Variants in CCDC33 observed in about 807,000 individuals in gnomAD.
CCDC33 encodes the protein coiled-coil domain-containing protein 33.
Under a neutral mutation model 91.9 loss-of-function variants are expected in CCDC33, and 94 were observed. The ratio of observed to expected loss-of-function variants is 1.02; its 90% CI spans 0.87 to 1.21. The LOEUF (loss-of-function observed/expected upper bound fraction) is 1.21. CCDC33 is among the 50% of genes most tolerant of loss of function. CCDC33 has a pLI of 0.00. For synonymous variants in CCDC33, 396 were observed against 374.5 expected (o/e 1.06, Z -0.66); for missense variants, 940 against 935.5 (o/e 1.00, Z -0.06).
chr15:74,314,412 C>A (rs1241424843), intron 11 of CCDC33, among the ~76,000 whole-genome samples: 3 of 152,198 alleles, frequency 2.0e-5, no homozygotes, highest in Non-Finnish European at 4.4e-5. Context: ...TCACCCCTCC[C>A]CTAGAGATGG....
chr15:74,317,175 C>T (rs1169758999), intron 11 of CCDC33, among the ~76,000 whole-genome samples: 4 of 152,108 alleles, frequency 2.6e-5, no homozygotes, highest in East Asian at 3.9e-4. Flanking sequence ...CTGGCTAACA[C>T]GGTGAAACCC....
intron 10 of CCDC33, among the ~76,000 whole-genome samples, chr15:74,283,712 G>C (rs1350267345): frequency 6.6e-6 from 1 of 151,764 alleles, no homozygotes; most frequent in African/African-American, 2.4e-5. Context: ...TTTCTGAGAA[G>C]AAAGGAAAAG....
intron 1 of CCDC33, among the ~76,000 whole-genome samples, chr15:74,206,816 C>T (rs1178195788): frequency 2.0e-5 from 3 of 152,248 alleles, no homozygotes; most frequent in African/African-American, 4.8e-5. Flanking sequence ...GCATAAGGGT[C>T]AGGGCAGGGC....
intron 10 of CCDC33, among the ~76,000 whole-genome samples, chr15:74,282,097 T>C (rs936955778): frequency 2.0e-5 from 3 of 152,206 alleles, no homozygotes; most frequent in African/African-American, 7.2e-5. Context: ...CCAAGCCAAG[T>C]CTGGCTCACT....
upstream of CCDC33, among the ~76,000 whole-genome samples, chr15:74,232,755 A>G (rs2142205856): frequency 6.6e-6 from 1 of 152,330 alleles, no homozygotes; most frequent in South Asian, 2.1e-4. Context: ...GAATGAGACC[A>G]TGAAGGTAAA....
In CCDC33 at chr15:74,268,351, T is replaced by A; in HGVS notation, c.439T>A (p.Ser147Thr). Residue 147 changes from serine (S) to threonine (T), a missense_variant, in exon 5 of 19, where the codon TCT becomes ACT. By Grantham distance (58) the Ser-to-Thr change is moderately conservative. Coordinates refer to ENST00000398814, the MANE Select transcript of CCDC33 (RefSeq NM_025055.5). Reference sequence around the variant, plus strand: ...CCAACCCTGTCTCCAGCCCACTGAGTCTGGGAAAGCCGATGAAGCCACTGC... The same window carrying A: ...CCAACCCTGTCTCCAGCCCACTGAGACTGGGAAAGCCGATGAAGCCACTGC... ...YHFELVKPTE[S>T]GKADEATAKT... is the part of the protein sequence containing the mutation. The A allele has an allele frequency of 6.2e-7, 1 of 1,613,234 alleles. No individual in the cohort carries two copies. The highest frequency in any genetic ancestry group is 8.5e-7 in the Non-Finnish European group (1 of 1,179,272).
chr15:74,292,050 A>T (rs2142570750), intron 10 of CCDC33, among the ~76,000 whole-genome samples: 1 of 152,324 alleles, frequency 6.6e-6, no homozygotes, highest in South Asian at 2.1e-4. Flanking sequence ...ATGAACCAGG[A>T]TGTGCTGCAG....
chr15:74,328,237 G>T (rs548540818), intron 11 of CCDC33, among the ~76,000 whole-genome samples: 5 of 152,294 alleles, frequency 3.3e-5, no homozygotes, highest in Middle Eastern at 3.4e-3. Flanking sequence ...TGGGAGCTCT[G>T]GGGGCAGCAA....
At chr15:74,245,176 A>C (rs1361911662) in intron 2 of CCDC33, among the ~76,000 whole-genome samples, 3 of 152,074 alleles carry the variant, frequency 2.0e-5, no homozygotes, top group Admixed American at 6.5e-5. Context: ...CTGAGGACGG[A>C]TCTCCTCCTC....
chr15:74,324,324 C>T (rs985876613), intron 11 of CCDC33, among the ~76,000 whole-genome samples: 7 of 152,070 alleles, frequency 4.6e-5, no homozygotes, highest in Non-Finnish European at 1.0e-4. Context: ...AAGTATCCCG[C>T]TGTATGGGTC....
At chr15:74,308,395 C>T (rs1038317385) in intron 11 of CCDC33, among the ~76,000 whole-genome samples, 2 of 53,882 alleles carry the variant, frequency 3.7e-5, no homozygotes, top group Non-Finnish European at 9.0e-5. Context: ...ACATTTGGTG[C>T]TAAATATCCA....
At chr15:74,278,350 C>T (rs2076503237) in intron 7 of CCDC33, among the ~76,000 whole-genome samples, 1 of 152,250 alleles carries the variant, frequency 6.6e-6, no homozygotes, top group African/African-American at 2.4e-5. Flanking sequence ...TTTGTGCTGA[C>T]CTTTTCGAGC....
At position 74,268,456 on chromosome 15, in the gene CCDC33, G is replaced by A; in HGVS notation, c.544G>A (p.Glu182Lys). Reference protein sequence around the residue: ...RYIGCNHMALEIFLRGVNEPL... With the variant: ...RYIGCNHMALKIFLRGVNEPL... Reference sequence around the variant, plus strand: ...CATCGGCTGCAACCACATGGCTCTGGAGGTACCAGGGCTGGGGCCCTCTGG... The same window carrying A: ...CATCGGCTGCAACCACATGGCTCTGAAGGTACCAGGGCTGGGGCCCTCTGG... The change falls in exon 5 of 19, where the codon GAG becomes AAG. Residue 182 changes from glutamate to lysine, a missense_variant and splice_region_variant. Glu to Lys is a moderately conservative substitution (Grantham distance 56). Coordinates refer to ENST00000398814, the MANE Select transcript of CCDC33 (RefSeq NM_025055.5). The A allele has an allele frequency of 6.3e-7, 1 of 1,576,186 alleles. No homozygotes were observed. The highest frequency in any genetic ancestry group is 8.7e-7 in the Non-Finnish European group (1 of 1,156,016).
intron 2 of CCDC33, among the ~76,000 whole-genome samples, chr15:74,221,742 T>G (rs978576642): frequency 1.3e-5 from 2 of 152,066 alleles, no homozygotes; most frequent in Non-Finnish European, 2.9e-5. Context: ...GCAGAGGGAA[T>G]TTACCCACCT....
chr15:74,293,083 G>C (rs987845444), intron 10 of CCDC33, among the ~76,000 whole-genome samples: 4 of 152,344 alleles, frequency 2.6e-5, no homozygotes, highest in African/African-American at 9.6e-5. Flanking sequence ...CCCATCTGGT[G>C]CTGGGGCCAC....
rs151006322 is a variant in CCDC33 at position 74,257,380 on chromosome 15, G to C, written c.186-5060G>C. Reference sequence around the variant, plus strand: ...CTGTTGTCTGGTGAAGCGGGGGCGAGAAGAGAAGGGAGCTTCAGCACTGAC... The same window carrying C: ...CTGTTGTCTGGTGAAGCGGGGGCGACAAGAGAAGGGAGCTTCAGCACTGAC... On this transcript the variant is annotated intron_variant, in intron 2 of 18. Coordinates refer to ENST00000398814, the MANE Select transcript of CCDC33 (RefSeq NM_025055.5). Among the ~76,000 whole-genome samples the C allele has an allele frequency of 4.7e-3, 709 of 152,278 alleles. 5 individuals carry two copies. The highest frequency in any genetic ancestry group is 0.017 in the African/African-American group (693 of 41,566).
chr15:74,332,648 A>AT (rs768325748), intron 15 of CCDC33, 31 bp from the exon 16 acceptor site: 194 of 1,608,726 alleles, frequency 1.2e-4, no homozygotes, highest in Non-Finnish European at 1.6e-4. Context: ...AGGAGAGCCC[A>AT]TCTCACCAAC....
At position 74,336,065 on chromosome 15, in the gene CCDC33, G is replaced by T; in HGVS notation, c.*12G>T. 6.2e-7 allele frequency: 1 copy of T among 1,613,376 alleles called. No individual in the cohort carries two copies. The highest frequency in any genetic ancestry group is 2.2e-5 in the East Asian group (1 of 44,880). The stretch of plus-strand genomic sequence containing the variant: ...CTCAGCAGACCTGAGCCCCAGAGCA[G>T]GCCTCCTTCCCTGTGTGCTGGGGAG... On this transcript the variant is annotated 3_prime_UTR_variant, in exon 19 of 19. Transcript: ENST00000398814.
chr15:74,325,551 G>A lies in CCDC33; in HGVS notation c.1291-4638G>A, dbSNP rs567499092. On this transcript the variant is annotated intron_variant, in intron 11 of 18. Coordinates refer to ENST00000398814, the MANE Select transcript of CCDC33 (RefSeq NM_025055.5). Reference sequence around the variant, plus strand: ...GTAGATGGGAGACCATCACAAGCAGGGACGGTCTGGGCTGGTCTGGGCTCC... The same window carrying A: ...GTAGATGGGAGACCATCACAAGCAGAGACGGTCTGGGCTGGTCTGGGCTCC... 3.3e-5 allele frequency among the ~76,000 whole-genome samples: 5 copies of A among 150,770 alleles called. No individual in the cohort carries two copies. In the East Asian group the frequency reaches 9.9e-4, roughly 30 times the overall value.
Sources: gnomAD v4.1 joint callset for allele counts (sites outside exome capture counted in the v4.1 genomes callset) on GRCh38, gnomAD v4.1.1 for gene constraint, MANE v1.5 for transcripts, NCBI Gene and HGNC (gene_info 2026-07-23, HGNC 2026-07-21) for gene names.